Variants in KIAA0319 observed in about 807,000 individuals in gnomAD.
KIAA0319 encodes the protein KIAA0319.
Under a neutral mutation model 108.4 loss-of-function variants are expected in KIAA0319, and 83 were observed. The observed-to-expected ratio is 0.77, with a 90% CI of 0.64 to 0.92. The LOEUF is 0.92. Among genes scored for constraint, KIAA0319 ranks in the 40% least tolerant of loss-of-function variants. The pLI, the probability that KIAA0319 is intolerant of heterozygous loss-of-function variation, is 0.00. For missense variants in KIAA0319, 1,195 were observed against 1,322.4 expected, an observed-to-expected ratio of 0.90 and a Z score of 1.49; for synonymous variants, 484 against 510.4, an observed-to-expected ratio of 0.95 and a Z score of 0.70.
chr6:24,567,522 C>G (rs1365694581), intron 13 of KIAA0319, among the ~76,000 whole-genome samples: 1 of 151,950 alleles, frequency 6.6e-6, no homozygotes, highest in Non-Finnish European at 1.5e-5. Flanking sequence ...GGTAGCAAGA[C>G]CCGTCTCCAC....
intron 1 of KIAA0319, among the ~76,000 whole-genome samples, chr6:24,618,460 A>C (rs1239678911): frequency 6.6e-6 from 1 of 152,102 alleles, no homozygotes; most frequent in East Asian, 1.9e-4. Context: ...ACTTAAAAAA[A>C]AAAATTAGCC....
downstream of KIAA0319, among the ~76,000 whole-genome samples, chr6:24,542,307 A>T (rs1426890756): frequency 6.6e-6 from 1 of 152,246 alleles, no homozygotes; most frequent in Non-Finnish European, 1.5e-5. Flanking sequence ...TTTAACTACA[A>T]TACCCCATTC....
intron 1 of KIAA0319, among the ~76,000 whole-genome samples, chr6:24,605,190 C>T (rs1771226606): frequency 6.6e-6 from 1 of 152,166 alleles, no homozygotes; most frequent in African/African-American, 2.4e-5. Flanking sequence ...TTAAATAATC[C>T]TTCACCTATA....
At chr6:24,643,626 T>A (rs565348410) in intron 1 of KIAA0319, among the ~76,000 whole-genome samples, 1 of 152,352 alleles carries the variant, frequency 6.6e-6, no homozygotes, top group Admixed American at 6.5e-5. Flanking sequence ...TGATTTGATA[T>A]CATAAATCAG....
chr6:24,569,123 G>C lies in KIAA0319; in HGVS notation c.1992-194C>G, dbSNP rs761606146. Reference sequence around the variant, plus strand: ...CACAAGCTAAAACCTATCTCAGGCAGAGTCTGCTGGATTACTGGGAAGAGA... The same window carrying C: ...CACAAGCTAAAACCTATCTCAGGCACAGTCTGCTGGATTACTGGGAAGAGA... On this transcript the variant is annotated intron_variant, in intron 12 of 20. Coordinates refer to ENST00000378214, the MANE Select transcript of KIAA0319 (RefSeq NM_014809.4). Among the ~76,000 whole-genome samples, 43 of 152,340 alleles carry C rather than the reference G, an allele frequency of 2.8e-4. No individual in the cohort carries two copies. The Middle Eastern group carries it at 0.014, about 48-fold the overall frequency.
chr6:24,590,587 T>C (rs1479802865), intron 3 of KIAA0319, among the ~76,000 whole-genome samples: 2 of 152,096 alleles, frequency 1.3e-5, no homozygotes, highest in East Asian at 3.9e-4. Context: ...GCAAATCCCA[T>C]AGGATGAATT....
intron 1 of KIAA0319, among the ~76,000 whole-genome samples, chr6:24,627,551 C>A (rs190871330): frequency 6.6e-6 from 1 of 152,002 alleles, no homozygotes; most frequent in East Asian, 1.9e-4. Context: ...GTCTGATAAA[C>A]AGAGGTCAGA....
intron 11 of KIAA0319, among the ~76,000 whole-genome samples, chr6:24,570,242 G>A (rs1764506674): frequency 6.6e-6 from 1 of 152,168 alleles, no homozygotes; most frequent in Admixed American, 6.5e-5. Flanking sequence ...GCTGTTATAG[G>A]CAGCCAAGAA....
intron 14 of KIAA0319, among the ~76,000 whole-genome samples, chr6:24,565,741 A>T (rs887891750): frequency 6.7e-5 from 9 of 134,990 alleles, no homozygotes; most frequent in African/African-American, 2.6e-4. Flanking sequence ...CGATAGAGTG[A>T]GACTCCATCT....
At chr6:24,626,181 T>C (rs780707646) in intron 1 of KIAA0319, among the ~76,000 whole-genome samples, 10 of 152,152 alleles carry the variant, frequency 6.6e-5, no homozygotes, top group Admixed American at 6.5e-4. Flanking sequence ...TGGCTGCCAG[T>C]GGTGGGAAGG....
intron 7 of KIAA0319, 52 bp from the exon 8 acceptor site, chr6:24,580,002 C>T (rs1451742892): frequency 7.6e-7 from 1 of 1,309,786 alleles, no homozygotes; most frequent in South Asian, 1.3e-5. Flanking sequence ...AGGCATATGT[C>T]ATTACCCACA....
At chr6:24,598,188 A>T in intron 2 of KIAA0319, 1 of 473,152 alleles carries the variant, frequency 2.1e-6, no homozygotes, top group Non-Finnish European at 4.0e-6. Flanking sequence ...GTCTGGGTGG[A>T]GGCTATGGCG....
chr6:24,554,136 A>G (rs535482359), intron 19 of KIAA0319, among the ~76,000 whole-genome samples: 15 of 152,332 alleles, frequency 9.8e-5, no homozygotes, highest in African/African-American at 3.1e-4. Flanking sequence ...CCAGGTAGAC[A>G]GCGGCAAAAG....
Position 24,544,530 on chromosome 6 carries a change from T to C in KIAA0319, c.*2635A>G, listed in dbSNP as rs1444710159. 5 of 152,342 alleles carry C rather than the reference T, an allele frequency of 3.3e-5. No homozygotes were observed. The highest frequency in any genetic ancestry group is 1.2e-4 in the African/African-American group (5 of 41,590). 9.4% of individuals were successfully genotyped at this position (152,342 alleles called of 1,614,324 possible). ...CCCCGCGCACAAAAGGTGGCATCAC[T>C]GGCTTGTTGAGTGGTACATTTTCTT... is the stretch of plus-strand genomic sequence containing the variant. On this transcript the variant is annotated 3_prime_UTR_variant, in exon 21 of 21. Transcript: ENST00000378214.
rs540936179 is a variant in KIAA0319 at position 24,599,468 on chromosome 6, T to C, written c.55+1581A>G. Reference sequence around the variant, plus strand: ...TGCAGGACATGGCATGGCAGCTGCATGAGTACCAGGAGCTGATGATCATCA... The same window carrying C: ...TGCAGGACATGGCATGGCAGCTGCACGAGTACCAGGAGCTGATGATCATCA... On this transcript the variant is annotated intron_variant, in intron 2 of 20. Transcript: ENST00000378214. The surrounding 1 kb of genome is among the most constrained non-coding windows in gnomAD (Gnocchi z 4.1). 3.6e-6 allele frequency: 2 copies of C among 557,126 alleles called. No homozygotes were observed. The highest frequency in any genetic ancestry group is 1.9e-5 in the African/African-American group (1 of 53,390). 34.5% of individuals were successfully genotyped at this position (557,126 alleles called of 1,614,324 possible).
chr6:24,637,376 T>C (rs931389672), intron 1 of KIAA0319, among the ~76,000 whole-genome samples: 1 of 152,218 alleles, frequency 6.6e-6, no homozygotes, highest in Admixed American at 6.5e-5. Flanking sequence ...GGGCGACTTT[T>C]CAAGAGTTTC....
chr6:24,619,458 G>C (rs1448259544), intron 1 of KIAA0319, among the ~76,000 whole-genome samples: 14 of 152,176 alleles, frequency 9.2e-5, no homozygotes, highest in East Asian at 1.9e-4. Context: ...CTGAGCAACT[G>C]GAAGAATGGG....
At chr6:24,586,377 G>A (rs1041168115) in intron 4 of KIAA0319, among the ~76,000 whole-genome samples, 2 of 152,160 alleles carry the variant, frequency 1.3e-5, no homozygotes, top group Non-Finnish European at 2.9e-5. Context: ...CAGAGTAGAA[G>A]TTACTCCTTT....
rs1312103271 is a variant in KIAA0319, at chr6:24,599,523, T to C, written c.55+1526A>G. On this transcript the variant is annotated intron_variant, in intron 2 of 20. Transcript: ENST00000378214. The surrounding 1 kb of genome is among the most constrained non-coding windows in gnomAD (Gnocchi z 4.1). ...AACCCTGGACATCGAGATTGTCACC[T>C]ACAGGAAGGTGCTGGAGGGCGAGGA... The C allele has an allele frequency of 5.3e-6, 3 of 569,440 alleles. No individual in the cohort carries two copies. The highest frequency in any genetic ancestry group is 3.7e-5 in the African/African-American group (2 of 53,510). The allele number at this position is 569,440 out of a possible 1,614,324, so 35.3% of individuals were successfully genotyped here. A position where few individuals can be genotyped will look rare whatever the true frequency, so the allele number is the denominator to read the frequency against.
Sources: gnomAD v4.1 joint callset for allele counts (sites outside exome capture counted in the v4.1 genomes callset) on GRCh38, gnomAD v4.1.1 for gene constraint, Gnocchi (gnomAD v3.1) non-coding constraint, MANE v1.5 for transcripts, NCBI Gene and HGNC (gene_info 2026-07-23, HGNC 2026-07-21) for gene names.